The following FCHSD2 variants were observed in gnomAD, a reference collection of about 807,000 sequenced individuals.
FCHSD2 encodes the protein F-BAR and double SH3 domains protein 2.
A neutral mutation model predicts 108.1 loss-of-function variants in FCHSD2; 38 were observed. The observed-to-expected ratio is 0.35, with a 90% CI of 0.27 to 0.46. The LOEUF is 0.46. Among genes scored for constraint, FCHSD2 ranks in the 20% least tolerant of loss-of-function variants. The pLI, the probability that FCHSD2 is intolerant of heterozygous loss-of-function variation, is 1.00. For synonymous variants in FCHSD2, 279 were observed against 314.7 expected, an observed-to-expected ratio of 0.89 and a Z score of 1.20; for missense variants, 751 against 897.8, an observed-to-expected ratio of 0.84 and a Z score of 2.09.
chr11:72,838,933 T>C, intron 19 of FCHSD2, 59 bp from the exon 20 acceptor site: 2 of 1,475,140 alleles, frequency 1.4e-6, no homozygotes, highest in Non-Finnish European at 1.9e-6. Flanking sequence ...ATCTGAAGCA[T>C]CCCCAAAACC....
At chr11:73,025,892 T>A (rs938674480) in intron 3 of FCHSD2, among the ~76,000 whole-genome samples, 1 of 152,160 alleles carries the variant, frequency 6.6e-6, no homozygotes, top group African/African-American at 2.4e-5. Flanking sequence ...CATATACCAG[T>A]AGGTATGTGT....
intron 8 of FCHSD2, among the ~76,000 whole-genome samples, chr11:72,965,030 C>A (rs1435321171): frequency 6.6e-6 from 1 of 152,128 alleles, no homozygotes; most frequent in Non-Finnish European, 1.5e-5. Context: ...ACCTCATGAT[C>A]CGCCCGCCTT....
intron 8 of FCHSD2, among the ~76,000 whole-genome samples, chr11:72,924,522 T>C (rs1259607920): frequency 6.6e-6 from 1 of 151,514 alleles, no homozygotes; most frequent in Non-Finnish European, 1.5e-5. Flanking sequence ...GATCTCGTGA[T>C]CCGCCCACCT....
chr11:73,065,442 G>A (rs1381089204), intron 3 of FCHSD2, among the ~76,000 whole-genome samples: 2 of 152,038 alleles, frequency 1.3e-5, no homozygotes, highest in African/African-American at 2.4e-5. Context: ...TTTGAAAACC[G>A]GCACAAGACA....
At chr11:72,988,813 AAT>A (rs1857357414) in intron 6 of FCHSD2, 149 bp downstream of exon 6, 1 of 475,164 alleles carries the variant, frequency 2.1e-6, no homozygotes, top group African/African-American at 2.0e-5. Flanking sequence ...CAATTAAAAA[AAT>A]GTGACCTAAA....
chr11:72,979,581 A>G (rs1261385585), intron 8 of FCHSD2, among the ~76,000 whole-genome samples: 4 of 152,202 alleles, frequency 2.6e-5, no homozygotes, highest in African/African-American at 9.7e-5. Flanking sequence ...GAAGAAAACA[A>G]TGAGGTATGG....
At chr11:72,981,051 G>A (rs1857206259) in intron 8 of FCHSD2, among the ~76,000 whole-genome samples, 1 of 152,120 alleles carries the variant, frequency 6.6e-6, no homozygotes, top group Non-Finnish European at 1.5e-5. Context: ...ACAATTCAAT[G>A]GTGGAAATTT....
rs941547153 is a variant in FCHSD2, at chr11:72,837,369, C to A, written c.*1422G>T. ...AAATCCCATGGGGACATTTGGCGAG[C>A]ATTTCAAGTTTTTTAAGATTCTTAG... is the stretch of plus-strand genomic sequence containing the variant. On this transcript the variant is annotated 3_prime_UTR_variant, in exon 20 of 20. Coordinates refer to ENST00000409418, the MANE Select transcript of FCHSD2 (RefSeq NM_014824.3). 6.6e-6 allele frequency: 1 copy of A among 151,822 alleles called. No individual in the cohort carries two copies. The highest frequency in any genetic ancestry group is 2.1e-4 in the South Asian group (1 of 4,768). The allele number at this position is 151,822 out of a possible 1,614,324, so 9.4% of individuals were successfully genotyped here.
chr11:72,873,976 T>G (rs1854916778), intron 12 of FCHSD2, among the ~76,000 whole-genome samples: 2 of 152,318 alleles, frequency 1.3e-5, no homozygotes, highest in South Asian at 2.1e-4. Context: ...ATCAAATATT[T>G]GCTTTGTTTT....
chr11:72,846,038 G>A (rs1352713839), intron 14 of FCHSD2, among the ~76,000 whole-genome samples: 1 of 151,514 alleles, frequency 6.6e-6, no homozygotes, highest in Non-Finnish European at 1.5e-5. Context: ...GGTTATTGAA[G>A]GGATTACAAA....
At chr11:72,886,356 C>A (rs1855198937) in intron 12 of FCHSD2, among the ~76,000 whole-genome samples, 1 of 152,170 alleles carries the variant, frequency 6.6e-6, no homozygotes, top group Non-Finnish European at 1.5e-5. Flanking sequence ...TCTGTGCTAT[C>A]CCCTTTTCTC....
intron 14 of FCHSD2, among the ~76,000 whole-genome samples, chr11:72,844,587 C>T (rs1565283920): frequency 6.6e-6 from 1 of 152,094 alleles, no homozygotes; most frequent in Non-Finnish European, 1.5e-5. Flanking sequence ...CTGGAAAGTC[C>T]GTGTGGCTTT....
chr11:73,078,544 CTGAA>C (rs1859608473), intron 3 of FCHSD2, among the ~76,000 whole-genome samples: 1 of 151,446 alleles, frequency 6.6e-6, no homozygotes, highest in East Asian at 1.9e-4. Context: ...AAGCTGAATA[CTGAA>C]TGAAAGAAAT....
intron 14 of FCHSD2, among the ~76,000 whole-genome samples, chr11:72,847,431 T>A (rs1488300257): frequency 6.6e-6 from 1 of 152,200 alleles, no homozygotes; most frequent in Non-Finnish European, 1.5e-5. Flanking sequence ...CTGGGCATTG[T>A]CCTAGGGGCT....
Position 72,907,599 on chromosome 11 carries a change from G to GTTTTT in FCHSD2, c.829-4966_829-4962dup, listed in dbSNP as rs35079551. On this transcript the variant is annotated intron_variant, in intron 9 of 19. Transcript: ENST00000409418. Reference sequence around the variant, plus strand: ...TGCATCTATTGAGATAATCACGTGGGTTTTTTTTTTTTTTTTTTTTCTTGA... The same window carrying GTTTTT: ...TGCATCTATTGAGATAATCACGTGGGTTTTTTTTTTTTTTTTTTTTTTTTTCTTGA... Among the ~76,000 whole-genome samples, 74 of 114,640 alleles carry GTTTTT rather than the reference G, an allele frequency of 6.5e-4. 7 individuals carry two copies. The highest frequency in any genetic ancestry group is 8.4e-4 in the South Asian group (3 of 3,566). The allele number at this position is 114,640 out of a possible 152,430, so 75.2% of individuals were successfully genotyped here. A position where few individuals can be genotyped will look rare whatever the true frequency, so the allele number is the denominator to read the frequency against.
intron 8 of FCHSD2, among the ~76,000 whole-genome samples, chr11:72,966,365 G>T (rs1856907082): frequency 6.6e-6 from 1 of 152,008 alleles, no homozygotes; most frequent in African/African-American, 2.4e-5. Flanking sequence ...TCGTCATGTT[G>T]GCCAGGCTGG....
At chr11:72,970,496 T>C in intron 8 of FCHSD2, among the ~76,000 whole-genome samples, 1 of 152,364 alleles carries the variant, frequency 6.6e-6, no homozygotes, top group East Asian at 1.9e-4. Flanking sequence ...TCAAAGCTAC[T>C]TTAGTGGCAT....
At chr11:73,074,341 T>C (rs1212067880) in intron 3 of FCHSD2, among the ~76,000 whole-genome samples, 1 of 152,256 alleles carries the variant, frequency 6.6e-6, no homozygotes, top group Non-Finnish European at 1.5e-5. Flanking sequence ...CAAGGACTTA[T>C]GTGTGCAAGT....
intron 4 of FCHSD2, among the ~76,000 whole-genome samples, chr11:73,012,473 T>G (rs72982854): frequency 1.2e-3 from 180 of 152,302 alleles, no homozygotes; most frequent in Non-Finnish European, 1.9e-3. Flanking sequence ...TTTACCTACT[T>G]GATAAAAAAC....
Sources: gnomAD v4.1 joint callset for allele counts (sites outside exome capture counted in the v4.1 genomes callset) on GRCh38, gnomAD v4.1.1 for gene constraint, MANE v1.5 for transcripts, NCBI Gene and HGNC (gene_info 2026-07-23, HGNC 2026-07-21) for gene names.